The following CHST11 variants were observed in gnomAD, a reference collection of about 807,000 sequenced individuals.
CHST11 encodes carbohydrate sulfotransferase 11.
CHST11 carries 9 observed loss-of-function variants against 30.4 expected under a neutral mutation model. That is an observed-to-expected ratio of 0.30 (90% CI 0.18 to 0.52). CHST11 has a LOEUF of 0.52. Among genes scored for constraint, CHST11 ranks in the 20% least tolerant of loss-of-function variants. CHST11 has a pLI of 0.97. For synonymous variants in CHST11, 152 were observed against 187.8 expected, an observed-to-expected ratio of 0.81 and a Z score of 1.56; for missense variants, 348 against 460.6, an observed-to-expected ratio of 0.76 and a Z score of 2.24.
intron 2 of CHST11, among the ~76,000 whole-genome samples, chr12:104,684,544 T>G (rs2039828503): frequency 2.0e-5 from 3 of 152,124 alleles, no homozygotes; most frequent in Admixed American, 2.0e-4. Flanking sequence ...ATGGTTTGGT[T>G]TGGTTTGGTT....
At chr12:104,611,013 A>G (rs576818049) in intron 2 of CHST11, among the ~76,000 whole-genome samples, 49 of 152,210 alleles carry the variant, frequency 3.2e-4, no homozygotes, top group Non-Finnish European at 6.0e-4. Flanking sequence ...TCCTCCAGGA[A>G]GCTCTGATTT....
At chr12:104,515,496 A>G (rs2038013788) in intron 1 of CHST11, among the ~76,000 whole-genome samples, 1 of 152,194 alleles carries the variant, frequency 6.6e-6, no homozygotes, top group South Asian at 2.1e-4. Flanking sequence ...AATCAAAGCT[A>G]GTTTGTTTTT....
At chr12:104,680,121 G>A (rs2039780395) in intron 2 of CHST11, among the ~76,000 whole-genome samples, 1 of 152,248 alleles carries the variant, frequency 6.6e-6, no homozygotes, top group Admixed American at 6.5e-5. Context: ...GGATACAGCA[G>A]TGCATAAGGC....
chr12:104,613,539 G>T (rs545103892), intron 2 of CHST11, among the ~76,000 whole-genome samples: 1 of 152,288 alleles, frequency 6.6e-6, no homozygotes, highest in South Asian at 2.1e-4. Context: ...GAGTTCTCAT[G>T]GGAATTGGTT....
At chr12:104,702,676 C>G (rs1339402552) in intron 2 of CHST11, among the ~76,000 whole-genome samples, 1 of 152,180 alleles carries the variant, frequency 6.6e-6, no homozygotes, top group Non-Finnish European at 1.5e-5. Flanking sequence ...TCTCTCCCTC[C>G]CCATTCTCTC....
chr12:104,696,465 C>T (rs934598967), intron 2 of CHST11, among the ~76,000 whole-genome samples: 23 of 133,100 alleles, frequency 1.7e-4, no homozygotes, highest in African/African-American at 3.3e-4. Flanking sequence ...GGTGAAACCC[C>T]GACTCTGCTA....
intron 2 of CHST11, among the ~76,000 whole-genome samples, chr12:104,694,264 G>A (rs2039924409): frequency 6.6e-6 from 1 of 152,104 alleles, no homozygotes; most frequent in South Asian, 2.1e-4. Context: ...TCCAGCCGCA[G>A]TCCAGCCCCA....
intron 1 of CHST11, among the ~76,000 whole-genome samples, chr12:104,466,458 A>G (rs967981029): frequency 5.3e-5 from 8 of 152,078 alleles, no homozygotes; most frequent in African/African-American, 1.7e-4. Flanking sequence ...GTTGCAAAAA[A>G]CCCTCGTGAC....
intron 2 of CHST11, among the ~76,000 whole-genome samples, chr12:104,648,204 T>C (rs1592815711): frequency 6.6e-6 from 1 of 152,318 alleles, no homozygotes; most frequent in East Asian, 1.9e-4. Flanking sequence ...TCTTGTTGGG[T>C]ATCTATATTG....
At chr12:104,544,477 C>CG (rs1232788096) in intron 1 of CHST11, among the ~76,000 whole-genome samples, 2 of 151,848 alleles carry the variant, frequency 1.3e-5, no homozygotes, top group South Asian at 2.1e-4. Context: ...AGCACTTTGG[C>CG]GGGGGGATCA....
intron 1 of CHST11, among the ~76,000 whole-genome samples, chr12:104,486,742 A>G (rs1012834069): frequency 2.6e-5 from 4 of 152,216 alleles, no homozygotes; most frequent in African/African-American, 7.2e-5. Flanking sequence ...AGAGCCCCTG[A>G]GCCGACTGAA....
intron 2 of CHST11, among the ~76,000 whole-genome samples, chr12:104,617,262 G>T (rs1410564747): frequency 6.6e-6 from 1 of 152,118 alleles, no homozygotes; most frequent in East Asian, 1.9e-4. Flanking sequence ...GGGTCCCCTG[G>T]GTAGCCACAG....
At chr12:104,573,295 T>A (rs1239591745) in intron 1 of CHST11, among the ~76,000 whole-genome samples, 1 of 152,156 alleles carries the variant, frequency 6.6e-6, no homozygotes, top group African/African-American at 2.4e-5. Flanking sequence ...CAAGGTAAGT[T>A]ATAGATTCAG....
intron 2 of CHST11, among the ~76,000 whole-genome samples, chr12:104,746,653 C>T (rs979338989): frequency 6.6e-6 from 1 of 152,210 alleles, no homozygotes; most frequent in African/African-American, 2.4e-5. Context: ...TGCAGTCAAA[C>T]AGGTGCTTCC....
intron 2 of CHST11, among the ~76,000 whole-genome samples, chr12:104,625,568 G>C (rs185379485): frequency 4.6e-5 from 7 of 152,338 alleles, no homozygotes; most frequent in Non-Finnish European, 7.3e-5. Flanking sequence ...GCCTCCCAAA[G>C]TGCTGAGATT....
chr12:104,510,718 T>A (rs1270587763), intron 1 of CHST11, among the ~76,000 whole-genome samples: 1 of 152,232 alleles, frequency 6.6e-6, no homozygotes, highest in Non-Finnish European at 1.5e-5. Context: ...GACAAAGCCT[T>A]CCCTTTGTTC....
chr12:104,615,763 G>T (rs1337180192), intron 2 of CHST11, among the ~76,000 whole-genome samples: 1 of 152,058 alleles, frequency 6.6e-6, no homozygotes, highest in African/African-American at 2.4e-5. Flanking sequence ...CCCCGTCTCT[G>T]CCAAAAATAC....
At chr12:104,571,164 A>AT (rs56859963) in intron 1 of CHST11, among the ~76,000 whole-genome samples, 78,473 of 142,750 alleles carry the variant, frequency 0.55, 22,056 homozygotes, top group African/African-American at 0.64. Flanking sequence ...AGGACAGACA[A>AT]TTTTTTTTTT....
At position 104,541,924 on chromosome 12, in the gene CHST11, G is replaced by A. The variant is rs149621058; in HGVS notation, c.119-59982G>A. Among the ~76,000 whole-genome samples the A allele has an allele frequency of 8.1e-4, 123 of 152,336 alleles. No homozygotes were observed. In the Middle Eastern group the frequency reaches 0.014, roughly 17 times the overall value. On this transcript the variant is annotated intron_variant, in intron 1 of 2. Transcript: ENST00000303694. ...AGCCTGAGAGACAGAGCGAGACTCC[G>A]TCTCAGAAAGACTGTCAGCTACCAG...
Sources: gnomAD v4.1 joint callset for allele counts (sites outside exome capture counted in the v4.1 genomes callset) on GRCh38, gnomAD v4.1.1 for gene constraint, MANE v1.5 for transcripts, NCBI Gene and HGNC (gene_info 2026-07-23, HGNC 2026-07-21) for gene names.